The following DDX27 variants were observed in gnomAD, a reference collection of about 807,000 sequenced individuals.
DDX27 encodes the protein probable ATP-dependent RNA helicase DDX27.
In DDX27, 42 loss-of-function variants were observed where a neutral mutation model predicts 99.3. The ratio of observed to expected loss-of-function variants is 0.42; its 90% CI spans 0.33 to 0.55. DDX27 has a LOEUF of 0.55. Among genes scored for constraint, DDX27 ranks in the 20% least tolerant of loss-of-function variants. DDX27 has a pLI of 0.07. For synonymous variants in DDX27, 329 were observed against 353.8 expected (o/e 0.93, Z 0.79); for missense variants, 798 against 976.8 (o/e 0.82, Z 2.44).
chr20:49,219,783 C>CTGA (rs889325269), intron 1 of DDX27, among the ~76,000 whole-genome samples: 13 of 152,156 alleles, frequency 8.5e-5, no homozygotes, highest in Admixed American at 2.0e-4. Flanking sequence ...ATTCACTGAA[C>CTGA]TGATATTTAA....
intron 16 of DDX27, among the ~76,000 whole-genome samples, chr20:49,241,535 C>T (rs173204): frequency 0.68 from 103,469 of 151,266 alleles, 36,311 homozygotes; most frequent in Non-Finnish European, 0.78. Context: ...TGCAGTGGCG[C>T]GATCTCAGCT....
In DDX27 at chr20:49,233,600, T is replaced by C. The variant is rs1489866280; in HGVS notation, c.1164T>C (p.Asn388=). 6.2e-7 allele frequency: 1 copy of C among 1,613,942 alleles called. No homozygotes were observed. ...ATCTGGCTTCTGTCTCCTTGAAGAA[T>C]CCTGTCCGGATATTTGTGAACAGCA... ...VKDLASVSLK[N]PVRIFVNSNT... The change falls in exon 11 of 21, where the codon AAT becomes AAC. Residue 388 remains asparagine, a synonymous_variant. Coordinates refer to ENST00000618172, the MANE Select transcript of DDX27 (RefSeq NM_017895.8).
In DDX27 at chr20:49,243,821, AGAG is replaced by A; in HGVS notation, c.2291_2293del (p.Arg764del). On this transcript the variant is annotated inframe_deletion, in exon 21 of 21. Transcript: ENST00000618172. The stretch of plus-strand genomic sequence containing the variant: ...TAACTCTGATTTTCTTACAGATACA[AGAG>A]GAGGAAGTAGCTGTCGTGGCCTGAA... 2 of 1,614,196 alleles carry A rather than the reference AGAG, an allele frequency of 1.2e-6. No homozygotes were observed. The highest frequency in any genetic ancestry group is 1.3e-5 in the African/African-American group (1 of 75,054).
rs751316627 is a variant in DDX27 at position 49,243,635 on chromosome 20, C to G, written c.2211C>G (p.Ser737=). ...KALKQYRAGP[S]FEERKQLGLP... ...ATGTCATCTTCTCTCACAGCCCTTCCTTTGAAGAAAGGAAACAGTTGGGCT... is the reference window on the plus strand; with the variant it reads ...ATGTCATCTTCTCTCACAGCCCTTCGTTTGAAGAAAGGAAACAGTTGGGCT... Residue 737 remains serine, a synonymous_variant, in exon 20 of 21, where the codon TCC becomes TCG. Transcript: ENST00000618172. 1.9e-6 allele frequency: 3 copies of G among 1,614,144 alleles called. No homozygotes were observed. Among genetic ancestry groups the G allele is most frequent in the Non-Finnish European group, 2.5e-6 (3 of 1,180,004 alleles).
chr20:49,223,255 A>C lies in DDX27; in HGVS notation c.301-13A>C, dbSNP rs941015658. 2.2e-5 allele frequency: 35 copies of C among 1,600,912 alleles called. No individual in the cohort carries two copies. The highest frequency in any genetic ancestry group is 3.0e-5 in the Non-Finnish European group (35 of 1,176,604). Reference sequence around the variant, plus strand: ...GAAGTTTCTCATCACCCTCACTTTAATTTTTTTCCCAGGATAAAGAAGCCA... The same window carrying C: ...GAAGTTTCTCATCACCCTCACTTTACTTTTTTTCCCAGGATAAAGAAGCCA... On this transcript the variant is annotated splice_polypyrimidine_tract_variant and intron_variant, in intron 3 of 20. Transcript: ENST00000618172.
chr20:49,227,072 C>G (rs187891099), intron 7 of DDX27, among the ~76,000 whole-genome samples: 1 of 150,002 alleles, frequency 6.7e-6, no homozygotes, highest in Non-Finnish European at 1.5e-5. Flanking sequence ...CCGTTTTAGC[C>G]GGGATGGTCT....
At position 49,235,172 on chromosome 20, in the gene DDX27, T is replaced by C. The variant is rs147957348; in HGVS notation, c.1427+84T>C. 1.0e-5 allele frequency: 15 copies of C among 1,447,882 alleles called. No homozygotes were observed. The African/African-American group carries it at 1.7e-4, about 16-fold the overall frequency. The allele number at this position is 1,447,882 out of a possible 1,614,324, so 89.7% of individuals were successfully genotyped here. A position where few individuals can be genotyped will look rare whatever the true frequency, so the allele number is the denominator to read the frequency against. ...AGGAAGAAGAGGACCCTGAGCATTCTATTAGAACATTAGCAGGGGACACAT... is the reference window on the plus strand; with the variant it reads ...AGGAAGAAGAGGACCCTGAGCATTCCATTAGAACATTAGCAGGGGACACAT... On this transcript the variant is annotated intron_variant, in intron 12 of 20. Coordinates refer to ENST00000618172, the MANE Select transcript of DDX27 (RefSeq NM_017895.8).
rs767001121 is a variant in DDX27 at position 49,226,506 on chromosome 20, A to G, written c.677A>G (p.Asp226Gly). 1.9e-6 allele frequency: 3 copies of G among 1,614,072 alleles called. No individual in the cohort carries two copies. The highest frequency in any genetic ancestry group is 2.5e-6 in the Non-Finnish European group (3 of 1,179,994). Residue 226 changes from aspartate (D) to glycine (G), a missense_variant, in exon 7 of 21, where the codon GAC becomes GGC. By Grantham distance (94) the Asp-to-Gly change is moderately conservative. Around this residue, in one of 2 missense-constraint regions of DDX27, gnomAD observed 553 missense variants for 727.9 expected, o/e 0.76. Coordinates refer to ENST00000618172, the MANE Select transcript of DDX27 (RefSeq NM_017895.8). Reference protein sequence around the residue: ...ACIPVGLLGKDICACAATGTG... With the variant: ...ACIPVGLLGKGICACAATGTG... The stretch of plus-strand genomic sequence containing the variant: ...ATACCTGTGGGTCTATTGGGGAAGG[A>G]CATCTGTGCCTGTGCAGCCACTGGG...
chr20:49,243,596 T>G, intron 19 of DDX27, 33 bp from the exon 20 acceptor site: 2 of 1,605,392 alleles, frequency 1.2e-6, no homozygotes, highest in Non-Finnish European at 1.7e-6. Context: ...GTTCAACAGT[T>G]TGCTCATTTC....
chr20:49,226,533 CA>C lies in DDX27; in HGVS notation c.705del (p.Gly236ValfsTer14). On this transcript the variant is annotated frameshift_variant and splice_region_variant, in exon 7 of 21. Coordinates refer to ENST00000618172, the MANE Select transcript of DDX27 (RefSeq NM_017895.8). LOFTEE classifies it high-confidence loss of function. ...ATCTGTGCCTGTGCAGCCACTGGGA[CA>C]GGTGAAAAGGATAGGGACCCAGGGT... The part of the protein sequence containing the change: ...KDICACAATG[T>X]GKTAAFALPV... 6.2e-7 allele frequency: 1 copy of C among 1,613,384 alleles called. No homozygotes were observed. Among genetic ancestry groups the C allele is most frequent in the South Asian group, 1.1e-5 (1 of 90,990 alleles).
chr20:49,225,459 T>A (rs1979850221), intron 6 of DDX27, among the ~76,000 whole-genome samples: 1 of 145,900 alleles, frequency 6.9e-6, no homozygotes, highest in Non-Finnish European at 1.5e-5. Context: ...CTCCCTTTTT[T>A]TTTTTTTTTT....
At position 49,243,950 on chromosome 20, in the gene DDX27, A is replaced by T; in HGVS notation, c.*116A>T. The T allele has an allele frequency of 7.7e-7, 1 of 1,304,624 alleles. No homozygotes were observed. The highest frequency in any genetic ancestry group is 1.3e-5 in the South Asian group (1 of 75,496). The allele number at this position is 1,304,624 out of a possible 1,614,324, so 80.8% of individuals were successfully genotyped here. A position where few individuals can be genotyped will look rare whatever the true frequency, so the allele number is the denominator to read the frequency against. On this transcript the variant is annotated 3_prime_UTR_variant, in exon 21 of 21. Transcript: ENST00000618172. ...TTTAAAAAAAAAACAAAAACAAAAA[A>T]CAACACTTTGGTGTGGTGGTATGGT...
At chr20:49,240,900 A>G (rs1349934153) in intron 16 of DDX27, among the ~76,000 whole-genome samples, 3 of 152,084 alleles carry the variant, frequency 2.0e-5, no homozygotes, top group African/African-American at 7.2e-5. Flanking sequence ...CTATAGTCCA[A>G]CTACTTGAGA....
At chr20:49,240,343 A>G (rs1205251648) in intron 16 of DDX27, among the ~76,000 whole-genome samples, 1 of 152,228 alleles carries the variant, frequency 6.6e-6, no homozygotes, top group Non-Finnish European at 1.5e-5. Context: ...CAAAACACTT[A>G]TAAGTTCACA....
At chr20:49,242,560 A>T (rs1002039208) in intron 18 of DDX27, 34 bp from the exon 19 acceptor site, 1 of 1,599,842 alleles carries the variant, frequency 6.3e-7, no homozygotes, top group African/African-American at 1.3e-5. Context: ...TGGGCCAAAG[A>T]CAACCATATG....
rs1464992024 is a variant in DDX27 at position 49,219,478 on chromosome 20, C to T, written c.30C>T (p.Thr10=). 1.2e-6 allele frequency: 2 copies of T among 1,614,020 alleles called. No individual in the cohort carries two copies. The highest frequency in any genetic ancestry group is 1.1e-5 in the South Asian group (1 of 91,082). The part of the protein sequence containing the change: MLADLGLIG[T]IGEDDEVPVE... ...TTGCGGACCTCGGCTTAATCGGAAC[C>T]ATAGGCGAGGATGACGAGGTGCCGG... The change falls in exon 1 of 21, where the codon ACC becomes ACT. Residue 10 remains threonine, a synonymous_variant. Coordinates refer to ENST00000618172, the MANE Select transcript of DDX27 (RefSeq NM_017895.8).
intron 7 of DDX27, among the ~76,000 whole-genome samples, chr20:49,228,333 A>C (rs1979972803): frequency 6.6e-6 from 1 of 151,866 alleles, no homozygotes; most frequent in African/African-American, 2.4e-5. Flanking sequence ...ACAGGATTTC[A>C]CCATATTGGC....
intron 6 of DDX27, among the ~76,000 whole-genome samples, chr20:49,226,005 C>T (rs541946796): frequency 6.6e-6 from 1 of 152,232 alleles, no homozygotes; most frequent in South Asian, 2.1e-4. Context: ...GTTCCCTCTG[C>T]CTGGAAAACT....
At chr20:49,222,792 C>T (rs553336424) in intron 2 of DDX27, among the ~76,000 whole-genome samples, 165 bp from the exon 3 acceptor site, 22 of 152,138 alleles carry the variant, frequency 1.4e-4, no homozygotes, top group African/African-American at 4.3e-4. Flanking sequence ...GGATTACAGG[C>T]GTGAGCCACC....
Sources: gnomAD v4.1 joint callset for allele counts (sites outside exome capture counted in the v4.1 genomes callset) on GRCh38, gnomAD v4.1.1 for gene constraint, gnomAD v4.1.1 regional missense constraint, MANE v1.5 for transcripts, NCBI Gene and HGNC (gene_info 2026-07-23, HGNC 2026-07-21) for gene names.